The following MTMR9 variants were observed in gnomAD, a reference collection of about 807,000 sequenced individuals.
The protein encoded by MTMR9 is myotubularin related protein 9, also known as myotubularin-related protein 9.
Under a neutral mutation model 69.5 loss-of-function variants are expected in MTMR9, and 39 were observed. The observed-to-expected ratio is 0.56, with a 90% CI of 0.43 to 0.73. The LOEUF (loss-of-function observed/expected upper bound fraction) is 0.73. MTMR9 is among the 30% of genes least tolerant of loss of function. The pLI is 0.00. For synonymous variants in MTMR9, 354 were observed against 240.8 expected (o/e 1.47, Z -4.35); for missense variants, 900 against 671.2 (o/e 1.34, Z -3.77).
At chr8:11,312,730 C>G (rs1289526188) in intron 6 of MTMR9, among the ~76,000 whole-genome samples, 2 of 152,182 alleles carry the variant, frequency 1.3e-5, no homozygotes, top group South Asian at 2.1e-4. Flanking sequence ...TTTCCATTTA[C>G]TTTGTCCAGA....
chr8:11,289,251 G>C (rs147452186), intron 1 of MTMR9, among the ~76,000 whole-genome samples: 1 of 152,204 alleles, frequency 6.6e-6, no homozygotes, highest in Non-Finnish European at 1.5e-5. Flanking sequence ...TGAAAGTGGA[G>C]CTGCCTTGCC....
chr8:11,309,651 C>G lies in MTMR9; in HGVS notation c.934C>G (p.Leu312Val), dbSNP rs35927540. 5 of 1,613,938 alleles carry G rather than the reference C, an allele frequency of 3.1e-6. No individual in the cohort carries two copies. The highest frequency in any genetic ancestry group is 2.2e-5 in the South Asian group (2 of 91,078). The part of the protein sequence containing the change: ...SNWLTHIKEI[L>V]TTACLAAQCI... ...CTGGCTGACTCACATCAAAGAGATT[C>G]TGACAACTGCCTGCCTAGCGGCTCA... The change falls in exon 6 of 10, where the codon CTG (leucine) becomes GTG (valine). Residue 312 changes from leucine (L) to valine (V), a missense_variant. Transcript: ENST00000221086.
At chr8:11,301,977 C>T (rs1585117459) in intron 3 of MTMR9, among the ~76,000 whole-genome samples, 1 of 151,870 alleles carries the variant, frequency 6.6e-6, no homozygotes, top group African/African-American at 2.4e-5. Context: ...ATGATAGAGG[C>T]TGGTTATGGT....
chr8:11,331,710 GC>G (rs758403343), downstream of MTMR9: 4 of 1,611,962 alleles, frequency 2.5e-6, no homozygotes, highest in Non-Finnish European at 3.4e-6. Flanking sequence ...GGGAGGCCTG[GC>G]GCTGTCCCTG....
In MTMR9 at chr8:11,301,042, A is replaced by T. The variant is rs1585116715; in HGVS notation, c.417+894A>T. On this transcript the variant is annotated intron_variant, in intron 3 of 9. Transcript: ENST00000221086. ...AATGGGTGGTGCTATGTTCTAATAA[A>T]CTTTATTTGCAGAAACAAGTAGCAG... is the stretch of plus-strand genomic sequence containing the variant. 2.0e-5 allele frequency among the ~76,000 whole-genome samples: 3 copies of T among 152,302 alleles called. No individual in the cohort carries two copies. The East Asian group carries it at 5.8e-4, about 29-fold the overall frequency.
At chr8:11,329,039 C>G (rs1386638397), downstream of MTMR9, among the ~76,000 whole-genome samples, 1 of 152,166 alleles carries the variant, frequency 6.6e-6, no homozygotes, top group East Asian at 1.9e-4. Context: ...AGAGACTGTC[C>G]TTTTCCCATT....
rs1250088620 is a variant in MTMR9 at position 11,327,351 on chromosome 8, C to A, written c.*4563C>A. 2 of 152,212 alleles carry A rather than the reference C, an allele frequency of 1.3e-5. No individual in the cohort carries two copies. The highest frequency in any genetic ancestry group is 2.9e-5 in the Non-Finnish European group (2 of 68,036). The allele number at this position is 152,212 out of a possible 1,614,324, so 9.4% of individuals were successfully genotyped here. A position where few individuals can be genotyped will look rare whatever the true frequency, so the allele number is the denominator to read the frequency against. On this transcript the variant is annotated 3_prime_UTR_variant, in exon 10 of 10. Coordinates refer to ENST00000221086, the MANE Select transcript of MTMR9 (RefSeq NM_015458.4). ...GCAAAGTAATTCTGATGAGAGTTTA[C>A]TGACTTCTAGAGCCATTCTCTTTAA...
rs1425571605 is a variant in MTMR9, at chr8:11,325,687, T to TA, written c.*2899_*2900insA. 1 of 151,890 alleles carries TA rather than the reference T, an allele frequency of 6.6e-6. No individual in the cohort carries two copies. The highest frequency in any genetic ancestry group is 1.5e-5 in the Non-Finnish European group (1 of 67,984). The allele number at this position is 151,890 out of a possible 1,614,324, so 9.4% of individuals were successfully genotyped here. ...TTTTTTTTTAATCAGAAGAACATTG[T>TA]TGTTTGATTATATGTTTTTAAAAAC... is the stretch of plus-strand genomic sequence containing the variant. On this transcript the variant is annotated 3_prime_UTR_variant, in exon 10 of 10. Coordinates refer to ENST00000221086, the MANE Select transcript of MTMR9 (RefSeq NM_015458.4).
chr8:11,307,830 A>G (rs550556574), intron 5 of MTMR9, among the ~76,000 whole-genome samples: 58 of 151,612 alleles, frequency 3.8e-4, no homozygotes, highest in Non-Finnish European at 7.8e-4. Flanking sequence ...TCAAATACCT[A>G]TTGGCCATTT....
At chr8:11,287,600 C>G (rs180953501) in intron 1 of MTMR9, among the ~76,000 whole-genome samples, 419 of 149,808 alleles carry the variant, frequency 2.8e-3, no homozygotes, top group African/African-American at 0.01. Flanking sequence ...GTGACTAAGA[C>G]AAGATGCTTA....
chr8:11,319,323 T>G (rs1447378916), intron 8 of MTMR9: 1 of 161,418 alleles, frequency 6.2e-6, no homozygotes, highest in Non-Finnish European at 1.3e-5. Flanking sequence ...GGTTAGAAAG[T>G]TTTTTTATGC....
chr8:11,332,870 G>C (rs935235305), downstream of MTMR9, among the ~76,000 whole-genome samples: 1 of 152,186 alleles, frequency 6.6e-6, no homozygotes, highest in Admixed American at 6.5e-5. Context: ...AAAATGCTGG[G>C]ATTGCAGGCA....
intron 6 of MTMR9, among the ~76,000 whole-genome samples, chr8:11,309,938 C>A (rs1314581821): frequency 6.6e-6 from 1 of 151,884 alleles, no homozygotes; most frequent in Non-Finnish European, 1.5e-5. Context: ...TACTAATGGA[C>A]CCGTTTTTTT....
intron 1 of MTMR9, among the ~76,000 whole-genome samples, chr8:11,290,543 TCTC>T (rs1250880775): frequency 1.3e-5 from 2 of 152,190 alleles, no homozygotes; most frequent in African/African-American, 4.8e-5. Context: ...ACCAGGATGT[TCTC>T]CTACATTTTC....
At chr8:11,331,229 G>A (rs1382514129), downstream of MTMR9, 3 of 1,613,842 alleles carry the variant, frequency 1.9e-6, no homozygotes, top group East Asian at 2.2e-5. Flanking sequence ...ATGGCCTGCT[G>A]GTGGCCCTGC....
chr8:11,333,985 TG>T, the MTMR9 span, among the ~76,000 whole-genome samples: 1 of 152,186 alleles, frequency 6.6e-6, no homozygotes, highest in Non-Finnish European at 1.5e-5. Context: ...ATCATGGAAG[TG>T]GGTTCCTGAT....
chr8:11,303,923 AT>A (rs1001239100), intron 3 of MTMR9, among the ~76,000 whole-genome samples: 33 of 152,314 alleles, frequency 2.2e-4, no homozygotes, highest in African/African-American at 7.5e-4. Flanking sequence ...TTATAAAAGC[AT>A]TTTTTAAAAG....
chr8:11,294,500 C>CTTTTTTTTTTTTTTTTT lies in MTMR9; in HGVS notation c.183-692_183-676dup, dbSNP rs61227530. On this transcript the variant is annotated intron_variant, in intron 1 of 9. Transcript: ENST00000221086. ...TGTTAGATTTTGTCAAATACTTTCACTTTTTTTTTTTTTTTTTTGAGACAG... is the reference window on the plus strand; with the variant it reads ...TGTTAGATTTTGTCAAATACTTTCACTTTTTTTTTTTTTTTTTTTTTTTTTTTTTTTTTTTGAGACAG... Among the ~76,000 whole-genome samples the CTTTTTTTTTTTTTTTTT allele has an allele frequency of 4.9e-4, 52 of 105,810 alleles. 2 individuals are homozygous for CTTTTTTTTTTTTTTTTT. Among genetic ancestry groups the CTTTTTTTTTTTTTTTTT allele is most frequent in the African/African-American group, 9.8e-4 (22 of 22,450 alleles). 69.4% of individuals were successfully genotyped at this position (105,810 alleles called of 152,430 possible).
At chr8:11,303,529 A>T (rs567883727) in intron 3 of MTMR9, among the ~76,000 whole-genome samples, 9 of 152,122 alleles carry the variant, frequency 5.9e-5, no homozygotes, top group East Asian at 1.9e-4. Context: ...TGTTTTTTTT[A>T]AATTAATTAA....
Sources: gnomAD v4.1 joint callset for allele counts (sites outside exome capture counted in the v4.1 genomes callset) on GRCh38, gnomAD v4.1.1 for gene constraint, MANE v1.5 for transcripts, NCBI Gene and HGNC (gene_info 2026-07-23, HGNC 2026-07-21) for gene names.